Variants in SCAF11 observed in about 807,000 individuals in gnomAD.
The protein encoded by SCAF11 is protein SCAF11.
A neutral mutation model predicts 140.5 loss-of-function variants in SCAF11; 47 were observed. That is an observed-to-expected ratio of 0.33 (90% CI 0.26 to 0.43). SCAF11 has a LOEUF of 0.43. Among genes scored for constraint, SCAF11 ranks in the 20% least tolerant of loss-of-function variants. The pLI is 1.00. For synonymous variants in SCAF11, 557 were observed against 579.4 expected (o/e 0.96, Z 0.55); for missense variants, 1,645 against 1,705.1 (o/e 0.96, Z 0.62).
Position 45,928,768 on chromosome 12 carries a change from T to C in SCAF11, c.933A>G (p.Arg311=). ...TSGTSNTRGS[R]RKPAMTTPTR... is the part of the protein sequence containing the mutation. ...TAGGAGTTGTCATTGCAGGTTTTCG[T>C]CTTGATCCTCTGGTATTTGATGTAC... Residue 311 remains arginine (R), a synonymous_variant, in exon 11 of 15, where the codon AGA becomes AGG. Coordinates refer to ENST00000369367, the MANE Select transcript of SCAF11 (RefSeq NM_004719.3). 1.2e-6 allele frequency: 2 copies of C among 1,613,948 alleles called. No homozygotes were observed. Among genetic ancestry groups the C allele is most frequent in the Non-Finnish European group, 1.7e-6 (2 of 1,179,990 alleles).
intron 10 of SCAF11, chr12:45,929,580 T>C (rs910873838): frequency 6.6e-6 from 1 of 152,212 alleles, no homozygotes; most frequent in African/African-American, 2.4e-5. Context: ...ATCTATGGTT[T>C]GGATATGAAA....
chr12:45,923,112 G>A lies in SCAF11; in HGVS notation c.3949C>T (p.Pro1317Ser). 5 of 1,614,052 alleles carry A rather than the reference G, an allele frequency of 3.1e-6. No individual in the cohort carries two copies. The highest frequency in any genetic ancestry group is 4.2e-6 in the Non-Finnish European group (5 of 1,179,990). ...SSHVSNNMSTPVLPAPTAAPG... is the reference protein window; with the variant it reads ...SSHVSNNMSTSVLPAPTAAPG... The stretch of plus-strand genomic sequence containing the variant: ...GCTGCTGTCGGAGCAGGCAAAACTG[G>A]TGTACTCATGTTATTACTTACATGA... The change falls in exon 13 of 15, where the codon CCA becomes TCA. Residue 1317 changes from proline to serine, a missense_variant. By Grantham distance (74) the Pro-to-Ser change is moderately conservative. This residue lies in a region of SCAF11 where 1,582 missense variants were observed against 1,609.2 expected (regional missense o/e 0.98). Transcript: ENST00000369367.
rs1454135528 is a variant in SCAF11 at position 45,927,291 on chromosome 12, T to C, written c.2410A>G (p.Asn804Asp). The change falls in exon 11 of 15, where the codon AAC becomes GAC. Residue 804 changes from asparagine to aspartate, a missense_variant. Asn to Asp is a conservative substitution (Grantham distance 23). Around this residue, in one of 2 missense-constraint regions of SCAF11, gnomAD observed 1,582 missense variants for 1,609.2 expected, o/e 0.98. Transcript: ENST00000369367. ...TTCTTTTCTTGTGGAGTGTCTTTGT[T>C]GGGTGACCAAGTTGTAGATGGAGAA... Reference protein sequence around the residue: ...FHSPSTTWSPNKDTPQEKKRP... With the variant: ...FHSPSTTWSPDKDTPQEKKRP... 6.2e-7 allele frequency: 1 copy of C among 1,614,100 alleles called. No homozygotes were observed. Among genetic ancestry groups the C allele is most frequent in the South Asian group, 1.1e-5 (1 of 91,078 alleles).
At chr12:45,986,010 C>T (rs1329281375) in intron 1 of SCAF11, among the ~76,000 whole-genome samples, 2 of 152,134 alleles carry the variant, frequency 1.3e-5, no homozygotes, top group East Asian at 3.8e-4. Context: ...CTGATCTTCA[C>T]GGTATTCTCT....
upstream of SCAF11, chr12:45,990,749 G>A: frequency 4.1e-6 from 1 of 243,696 alleles, no homozygotes; most frequent in Non-Finnish European, 6.6e-6. Flanking sequence ...TACCCAGTTG[G>A]GCCGCAGGGG....
chr12:45,937,799 T>C (rs1449340039), intron 6 of SCAF11, among the ~76,000 whole-genome samples: 2 of 152,206 alleles, frequency 1.3e-5, no homozygotes, highest in Non-Finnish European at 2.9e-5. Flanking sequence ...TTGTTTCCTG[T>C]ACCATCATTT....
At position 45,945,327 on chromosome 12, in the gene SCAF11, TA is replaced by T; in HGVS notation, c.399-15del. The T allele has an allele frequency of 6.8e-7, 1 of 1,474,868 alleles. No homozygotes were observed. The highest frequency in any genetic ancestry group is 9.3e-7 in the Non-Finnish European group (1 of 1,079,286). The allele number at this position is 1,474,868 out of a possible 1,614,324, so 91.4% of individuals were successfully genotyped here. On this transcript the variant is annotated splice_polypyrimidine_tract_variant and intron_variant, in intron 5 of 14. Transcript: ENST00000369367. ...ATGGCTTTTCTTCTGTAAACATCAA[TA>T]AAGACAGGAAAGAATTAAGAAAAAA...
intron 1 of SCAF11, among the ~76,000 whole-genome samples, chr12:45,977,600 CAT>C (rs1236868637): frequency 6.6e-6 from 1 of 152,102 alleles, no homozygotes; most frequent in Non-Finnish European, 1.5e-5. Context: ...AAAAGACTAA[CAT>C]GAGAGCAATT....
intron 1 of SCAF11, among the ~76,000 whole-genome samples, chr12:45,983,069 T>C (rs1472914857): frequency 5.3e-5 from 8 of 152,192 alleles, no homozygotes; most frequent in Admixed American, 5.2e-4. Flanking sequence ...AAAATAATGA[T>C]AATAAAGTGC....
At chr12:45,951,605 CAATT>C in intron 4 of SCAF11, 41 bp downstream of exon 4, 1 of 1,272,344 alleles carries the variant, frequency 7.9e-7, no homozygotes, top group Admixed American at 2.1e-5. Context: ...CAAACAGCTT[CAATT>C]AATTTTTATA....
chr12:45,930,397 T>C (rs1945011512), intron 10 of SCAF11, among the ~76,000 whole-genome samples: 1 of 151,946 alleles, frequency 6.6e-6, no homozygotes, highest in African/African-American at 2.4e-5. Flanking sequence ...GAAAGACAAA[T>C]GCTCACATGG....
rs1164701696 is a variant in SCAF11, at chr12:45,919,173, A to G, written c.*2875T>C. ...TTTATTAGAAAATATTACACACTACATACATATTTATTTAAGAGTATAATT... is the reference window on the plus strand; with the variant it reads ...TTTATTAGAAAATATTACACACTACGTACATATTTATTTAAGAGTATAATT... On this transcript the variant is annotated 3_prime_UTR_variant, in exon 15 of 15. Transcript: ENST00000369367. 1 of 152,226 alleles carries G rather than the reference A, an allele frequency of 6.6e-6. No homozygotes were observed. Among genetic ancestry groups the G allele is most frequent in the East Asian group, 1.9e-4 (1 of 5,200 alleles). 9.4% of individuals were successfully genotyped at this position (152,226 alleles called of 1,614,324 possible).
chr12:45,922,385 T>C, intron 14 of SCAF11, 78 bp downstream of exon 14: 3 of 1,548,220 alleles, frequency 1.9e-6, no homozygotes, highest in South Asian at 2.5e-5. Flanking sequence ...ATTATTTTAA[T>C]TAAACTTCAG....
chr12:45,925,063 T>G lies in SCAF11; in HGVS notation c.3571A>C (p.Lys1191Gln). 6.2e-7 allele frequency: 1 copy of G among 1,611,786 alleles called. No homozygotes were observed. The highest frequency in any genetic ancestry group is 1.3e-5 in the African/African-American group (1 of 75,008). The part of the protein sequence containing the change: ...EETSGQDSSL[K>Q]DQTNQQVDGS... ...TCAACTTGCTGGTTTGTTTGGTCTT[T>G]TAGGCTAGAATCTATCAAAAGAAAA... The change falls in exon 12 of 15, where the codon AAA (lysine) becomes CAA (glutamine). Residue 1191 changes from lysine (K) to glutamine (Q), a missense_variant. Physicochemically the swap from Lys to Gln is moderately conservative, Grantham distance 53. Around this residue, in one of 2 missense-constraint regions of SCAF11, gnomAD observed 1,582 missense variants for 1,609.2 expected, o/e 0.98. Transcript: ENST00000369367.
In SCAF11 at chr12:45,964,143, G is replaced by C. The variant is rs775239824; in HGVS notation, c.25C>G (p.Leu9Val). Residue 9 changes from leucine to valine, a missense_variant, in exon 2 of 15, where the codon CTA becomes GTA. This residue lies in a region of SCAF11 where 1,582 missense variants were observed against 1,609.2 expected (regional missense o/e 0.98). Transcript: ENST00000369367. MKKKTVCT[L>V]NMGDKKYEDM... ...TCATACTTCTTATCTCCCATATTTA[G>C]GGTACATACAGTTTTCTTCTTCATT... is the stretch of plus-strand genomic sequence containing the variant. The C allele has an allele frequency of 2.0e-6, 3 of 1,534,782 alleles. No homozygotes were observed. The highest frequency in any genetic ancestry group is 1.1e-5 in the South Asian group (1 of 87,294).
At chr12:45,968,813 C>A (rs1014398313) in intron 1 of SCAF11, among the ~76,000 whole-genome samples, 1 of 152,082 alleles carries the variant, frequency 6.6e-6, no homozygotes, top group African/African-American at 2.4e-5. Flanking sequence ...GTGGTGTAAT[C>A]CCAGCTACAG....
In SCAF11 at chr12:45,990,555, G is replaced by A. The variant is rs989501547; in HGVS notation, c.-224C>T. On this transcript the variant is annotated 5_prime_UTR_variant, in exon 1 of 15. Transcript: ENST00000369367. ...CGACCCAGGTTGCGCTGCTCCGCGC[G>A]GCTTAAGCCACCGCTACTCCCCCTT... 10 of 1,231,498 alleles carry A rather than the reference G, an allele frequency of 8.1e-6. No homozygotes were observed. Among genetic ancestry groups the A allele is most frequent in the East Asian group, 6.3e-5 (2 of 31,678 alleles). 76.3% of individuals were successfully genotyped at this position (1,231,498 alleles called of 1,614,324 possible). A position where few individuals can be genotyped will look rare whatever the true frequency, so the allele number is the denominator to read the frequency against.
At position 45,990,526 on chromosome 12, in the gene SCAF11, G is replaced by C; in HGVS notation, c.-195C>G. The C allele has an allele frequency of 1.6e-6, 2 of 1,231,992 alleles. No individual in the cohort carries two copies. The highest frequency in any genetic ancestry group is 3.1e-5 in the African/African-American group (2 of 64,532). 76.3% of individuals were successfully genotyped at this position (1,231,992 alleles called of 1,614,324 possible). On this transcript the variant is annotated 5_prime_UTR_variant, in exon 1 of 15. Transcript: ENST00000369367. Reference sequence around the variant, plus strand: ...CGGTCCGGAGGCGGCGGCGAAGCAGGGAGCGACCCAGGTTGCGCTGCTCCG... The same window carrying C: ...CGGTCCGGAGGCGGCGGCGAAGCAGCGAGCGACCCAGGTTGCGCTGCTCCG...
intron 10 of SCAF11, chr12:45,929,979 C>T (rs1945001971): frequency 6.6e-6 from 1 of 152,146 alleles, no homozygotes; most frequent in African/African-American, 2.4e-5. Context: ...AGACTCCTTA[C>T]TGATAACAGT....
Sources: allele counts gnomAD v4.1 joint callset (sites outside exome capture counted in the v4.1 genomes callset), GRCh38; gene constraint gnomAD v4.1.1; regional missense constraint gnomAD v4.1.1; transcripts MANE v1.5; gene names NCBI Gene and HGNC (gene_info 2026-07-23, HGNC 2026-07-21).